FRYL: variants seen among roughly 807,000 people sequenced by gnomAD.
FRYL encodes protein furry homolog-like.
Under a neutral mutation model 351.2 loss-of-function variants are expected in FRYL, and 150 were observed. That is an observed-to-expected ratio of 0.43 (90% confidence interval 0.37 to 0.49). The LOEUF is 0.49. FRYL is among the 20% of genes least tolerant of loss of function. The probability of loss-of-function intolerance (pLI) is 0.00; values close to 1 mark genes in which losing one functional copy is unlikely to be tolerated. For synonymous variants in FRYL, 1,153 were observed against 1,257.1 expected, an observed-to-expected ratio of 0.92 and a Z score of 1.75; for missense variants, 3,036 against 3,619.3, an observed-to-expected ratio of 0.84 and a Z score of 4.13.
chr4:48,622,263 C>T (rs1432364077), intron 5 of FRYL, among the ~76,000 whole-genome samples: 1 of 152,128 alleles, frequency 6.6e-6, no homozygotes, highest in Admixed American at 6.6e-5. Context: ...ATCTAAATAA[C>T]TTTTGTAGTG....
intron 2 of FRYL, among the ~76,000 whole-genome samples, chr4:48,691,566 C>T (rs1484906276): frequency 6.6e-6 from 1 of 152,066 alleles, no homozygotes; most frequent in Non-Finnish European, 1.5e-5. Flanking sequence ...TCTCTTAGGG[C>T]TATTTTCAGA....
chr4:48,672,466 A>G (rs1430236574), intron 3 of FRYL, among the ~76,000 whole-genome samples: 1 of 152,224 alleles, frequency 6.6e-6, no homozygotes, highest in Non-Finnish European at 1.5e-5. Flanking sequence ...AGACCCTCTT[A>G]AGAAAAGGAA....
In FRYL at chr4:48,765,419, T is replaced by C. The variant is rs192139124; in HGVS notation, c.-384+14659A>G. On this transcript the variant is annotated intron_variant, in intron 1 of 63. Transcript: ENST00000358350. ...AAGGGGGAAAGGACAGTCTCCTCAA[T>C]AATGGTTTGGGAAAACTGGATAGTC... is the stretch of plus-strand genomic sequence containing the variant. 1.4e-3 allele frequency among the ~76,000 whole-genome samples: 214 copies of C among 152,270 alleles called. 1 individual carries two copies. Among genetic ancestry groups the C allele is most frequent in the African/African-American group, 4.6e-3 (190 of 41,550 alleles).
At chr4:48,505,911 T>A (rs930596239) in intron 59 of FRYL, 1 of 279,090 alleles carries the variant, frequency 3.6e-6, no homozygotes, top group African/African-American at 2.2e-5. Flanking sequence ...TTGCAGGTTT[T>A]ATGAAAATCT....
At chr4:48,730,981 G>A (rs1770657202) in intron 1 of FRYL, among the ~76,000 whole-genome samples, 3 of 152,006 alleles carry the variant, frequency 2.0e-5, no homozygotes, top group Admixed American at 6.6e-5. Context: ...ACCACATCAC[G>A]TGCAACGCCA....
At chr4:48,672,857 G>C (rs1762953509) in intron 3 of FRYL, among the ~76,000 whole-genome samples, 1 of 152,138 alleles carries the variant, frequency 6.6e-6, no homozygotes. Context: ...CTTCTAAAAA[G>C]AAAGTGGCCT....
At chr4:48,511,124 C>T (rs1354400095) in intron 57 of FRYL, 140 bp from the exon 58 acceptor site, 1 of 531,000 alleles carries the variant, frequency 1.9e-6, no homozygotes, top group Non-Finnish European at 3.3e-6. Flanking sequence ...ATCTATAAAT[C>T]CATATTTTTA....
intron 1 of FRYL, among the ~76,000 whole-genome samples, chr4:48,772,900 G>A (rs964290244): frequency 2.0e-5 from 3 of 152,230 alleles, no homozygotes; most frequent in East Asian, 3.9e-4. Flanking sequence ...AAGTATGGAC[G>A]CTGAAATAGA....
intron 60 of FRYL, among the ~76,000 whole-genome samples, chr4:48,504,413 T>TA (rs1466147263): frequency 2.6e-5 from 4 of 152,046 alleles, no homozygotes; most frequent in African/African-American, 7.2e-5. Flanking sequence ...AGAGGGGATA[T>TA]AAAAAAATCA....
chr4:48,522,540 T>C (rs942186232), intron 54 of FRYL, among the ~76,000 whole-genome samples: 3 of 152,246 alleles, frequency 2.0e-5, no homozygotes, highest in African/African-American at 7.2e-5. Flanking sequence ...ACTTGTGCTC[T>C]GTTTTTCCAC....
At chr4:48,612,067 A>G (rs1170265232) in intron 7 of FRYL, among the ~76,000 whole-genome samples, 1 of 152,194 alleles carries the variant, frequency 6.6e-6, no homozygotes, top group African/African-American at 2.4e-5. Context: ...AGTTTCCTCT[A>G]CAATCCTTAC....
intron 25 of FRYL, among the ~76,000 whole-genome samples, chr4:48,573,778 C>T (rs1177618094): frequency 6.6e-6 from 1 of 152,034 alleles, no homozygotes; most frequent in Non-Finnish European, 1.5e-5. Context: ...CTCAAACTCC[C>T]GACCTCAGGC....
chr4:48,565,389 A>G (rs1283091370), intron 29 of FRYL, 142 bp downstream of exon 29: 3 of 532,088 alleles, frequency 5.6e-6, no homozygotes, highest in Non-Finnish European at 9.2e-6. Flanking sequence ...GTATTTAAAT[A>G]TAACTTATGG....
chr4:48,702,160 A>C lies in FRYL; in HGVS notation c.-204+8359T>G, dbSNP rs758507981. 3.2e-4 allele frequency among the ~76,000 whole-genome samples: 49 copies of C among 152,236 alleles called. No homozygotes were observed. In the Middle Eastern group the frequency reaches 0.017, roughly 53 times the overall value. The stretch of plus-strand genomic sequence containing the variant: ...TATCTACTGGGTTCCTATCAGTTTT[A>C]AAAATAAAAAATAGGCCAGGTATGG... On this transcript the variant is annotated intron_variant, in intron 2 of 63. Transcript: ENST00000358350.
rs1445088337 is a variant in FRYL at position 48,539,984 on chromosome 4, C to A, written c.6380G>T (p.Ser2127Ile). 3 of 1,610,756 alleles carry A rather than the reference C, an allele frequency of 1.9e-6. No individual in the cohort carries two copies. The highest frequency in any genetic ancestry group is 1.1e-5 in the South Asian group (1 of 90,950). Reference protein sequence around the residue: ...SPTQFCKETASRIAKVCAEEK... With the variant: ...SPTQFCKETAIRIAKVCAEEK... Reference sequence around the variant, plus strand: ...ACATTTGCTTACCTTTGCTATTCGACTAGCTGTTTCTTTGCAAAACTGAGT... The same window carrying A: ...ACATTTGCTTACCTTTGCTATTCGAATAGCTGTTTCTTTGCAAAACTGAGT... The change falls in exon 47 of 64, where the codon AGT becomes ATT. Residue 2127 changes from serine to isoleucine, a missense_variant. Physicochemically the swap from Ser to Ile is moderately radical, Grantham distance 142 (BLOSUM62 -2). This residue lies in a region of FRYL where 1,987 missense variants were observed against 2,311.7 expected (regional missense o/e 0.86). Coordinates refer to ENST00000358350, the MANE Select transcript of FRYL (RefSeq NM_015030.2).
chr4:48,751,654 G>A (rs1016095678), intron 1 of FRYL, among the ~76,000 whole-genome samples: 11 of 152,158 alleles, frequency 7.2e-5, no homozygotes, highest in African/African-American at 2.4e-4. Context: ...GAAAACTAGT[G>A]AGTTCCATGA....
chr4:48,553,523 T>C (rs1356339469), intron 35 of FRYL, 140 bp from the exon 36 acceptor site: 1 of 613,964 alleles, frequency 1.6e-6, no homozygotes, highest in Non-Finnish European at 2.9e-6. Flanking sequence ...TTAGCACTGA[T>C]CAACAATAAG....
intron 42 of FRYL, 65 bp downstream of exon 42, chr4:48,545,993 GCTCATAATA>G: frequency 7.5e-7 from 1 of 1,335,412 alleles, no homozygotes; most frequent in Non-Finnish European, 1.0e-6. Context: ...CAAAAATATG[GCTCATAATA>G]CCTGATCAAT....
At chr4:48,635,426 T>C (rs1754033588) in intron 3 of FRYL, among the ~76,000 whole-genome samples, 1 of 152,124 alleles carries the variant, frequency 6.6e-6, no homozygotes, top group South Asian at 2.1e-4. Context: ...TTGTCATATA[T>C]TAGTGGATTA....
Sources: allele counts gnomAD v4.1 joint callset (sites outside exome capture counted in the v4.1 genomes callset), GRCh38; gene constraint gnomAD v4.1.1; regional missense constraint gnomAD v4.1.1; transcripts MANE v1.5; gene names NCBI Gene and HGNC (gene_info 2026-07-23, HGNC 2026-07-21).